The following PFKM variants were observed in gnomAD, a reference collection of about 807,000 sequenced individuals.
PFKM encodes the protein ATP-dependent 6-phosphofructokinase, muscle type.
PFKM carries 58 observed loss-of-function variants against 95.5 expected under a neutral mutation model. The ratio of observed to expected loss-of-function variants is 0.61; its 90% CI spans 0.49 to 0.76. The LOEUF (loss-of-function observed/expected upper bound fraction) is 0.76. PFKM is among the 30% of genes least tolerant of loss of function. PFKM has a pLI of 0.00. For missense variants in PFKM, 678 were observed against 1,005.4 expected, an observed-to-expected ratio of 0.67 and a Z score of 4.40; for synonymous variants, 336 against 357.2, an observed-to-expected ratio of 0.94 and a Z score of 0.67.
rs1948405823 is a variant in PFKM at position 48,122,695 on chromosome 12, A to G, written c.-8-72A>G. The G allele has an allele frequency of 1.9e-6, 3 of 1,607,104 alleles. No individual in the cohort carries two copies. The Admixed American group carries it at 5.1e-5, about 27-fold the overall frequency. On this transcript the variant is annotated intron_variant, in intron 1 of 22. Coordinates refer to ENST00000359794, the MANE Select transcript of PFKM (RefSeq NM_000289.6). Reference sequence around the variant, plus strand: ...TGACTGAGGTGGCTCTAGCCAGTCTAATTGCCGTTCCTTTAGCTAGTGGCA... The same window carrying G: ...TGACTGAGGTGGCTCTAGCCAGTCTGATTGCCGTTCCTTTAGCTAGTGGCA...
intron 4 of PFKM, among the ~76,000 whole-genome samples, chr12:48,132,590 C>T (rs1260041606): frequency 6.6e-6 from 1 of 152,198 alleles, no homozygotes; most frequent in Non-Finnish European, 1.5e-5. Context: ...TGTATGTATT[C>T]ACTTGTTCTC....
intron 14 of PFKM, 133 bp from the exon 15 acceptor site, chr12:48,141,178 G>A: frequency 1.2e-6 from 1 of 855,760 alleles, no homozygotes; most frequent in South Asian, 1.4e-5. Flanking sequence ...GTGGGGAAAA[G>A]CTAATACCTG....
At chr12:48,118,618 A>G (rs963802807), upstream of PFKM, 14 of 1,068,328 alleles carry the variant, frequency 1.3e-5, no homozygotes, top group African/African-American at 1.9e-4. Flanking sequence ...CTCTGGGAGC[A>G]TCTGACCCTT....
chr12:48,105,458 T>G (rs1010922886), upstream of PFKM: 14 of 518,910 alleles, frequency 2.7e-5, no homozygotes, highest in Non-Finnish European at 5.0e-5. Context: ...TTTCATAACC[T>G]GAGCAGGAGG....
At chr12:48,114,458 G>A (rs372820426), upstream of PFKM, among the ~76,000 whole-genome samples, 12 of 152,332 alleles carry the variant, frequency 7.9e-5, no homozygotes, top group African/African-American at 2.4e-4. Flanking sequence ...CGGACCGGGT[G>A]TGGGGAGGGG....
chr12:48,132,830 C>T (rs761711268), intron 4 of PFKM, 38 bp from the exon 5 acceptor site: 3 of 1,549,518 alleles, frequency 1.9e-6, no homozygotes, highest in Non-Finnish European at 2.6e-6. Flanking sequence ...GCATGTTGAG[C>T]CCTGTCTCTG....
chr12:48,141,924 G>C lies in PFKM; in HGVS notation c.1511G>C (p.Gly504Ala), dbSNP rs769115766. 6.2e-7 allele frequency: 1 copy of C among 1,614,022 alleles called. No individual in the cohort carries two copies. The highest frequency in any genetic ancestry group is 1.1e-5 in the South Asian group (1 of 91,082). The stretch of plus-strand genomic sequence containing the variant: ...CTCTCTTCTTCTTAGGCTTACACAG[G>C]GGGCCTGGAACTGATGGAGGGCAGG... ...VIIGGFEAYT[G>A]GLELMEGRKQ... Residue 504 changes from glycine (G) to alanine (A), a missense_variant, in exon 17 of 23, where the codon GGG becomes GCG. By Grantham distance (60) the Gly-to-Ala change is moderately conservative. Transcript: ENST00000359794.
intron 2 of PFKM, chr12:48,125,241 A>G (rs1004498989): frequency 4.9e-6 from 2 of 404,910 alleles, no homozygotes; most frequent in Non-Finnish European, 9.8e-6. Context: ...AAAGGACCTC[A>G]GTCAGTCATC....
In PFKM at chr12:48,133,463, C is replaced by T. The variant is rs1592731449; in HGVS notation, c.576C>T (p.Ile192=). The T allele has an allele frequency of 6.2e-7, 1 of 1,614,086 alleles. No homozygotes were observed. Among genetic ancestry groups the T allele is most frequent in the Non-Finnish European group, 8.5e-7 (1 of 1,179,956 alleles). The change falls in exon 6 of 23, where the codon ATC becomes ATT. Residue 192 remains isoleucine (I), a synonymous_variant. Transcript: ENST00000359794. ...LHRIMEIVDA[I]TTTAQSHQRT... is the part of the protein sequence containing the mutation. ...GGATCATGGAAATTGTAGATGCCAT[C>T]ACTACCACTGCCCAGAGGTAAGGGG... is the stretch of plus-strand genomic sequence containing the variant.
At position 48,145,508 on chromosome 12, in the gene PFKM, A is replaced by G; in HGVS notation, c.2199-56A>G. On this transcript the variant is annotated intron_variant, in intron 22 of 22. Transcript: ENST00000359794. The surrounding 1 kb of genome is among the most constrained non-coding windows in gnomAD (Gnocchi z 4.3). ...TAACTTCTTCCTATAAACCTTTGGT[A>G]GAAGTTGATTGGGGTGCTAAAAGAT... 6.2e-7 allele frequency: 1 copy of G among 1,603,892 alleles called. No homozygotes were observed. The highest frequency in any genetic ancestry group is 8.5e-7 in the Non-Finnish European group (1 of 1,171,008).
At chr12:48,129,243 T>TTTC (rs1565877213) in intron 2 of PFKM, among the ~76,000 whole-genome samples, 1 of 96,178 alleles carries the variant, frequency 1.0e-5, no homozygotes, top group African/African-American at 4.6e-5. Context: ...TTTTTTTTTT[T>TTTC]ACAGATGGAG....
At chr12:48,127,646 A>G (rs1020758118) in intron 2 of PFKM, among the ~76,000 whole-genome samples, 1 of 152,168 alleles carries the variant, frequency 6.6e-6, no homozygotes, top group Non-Finnish European at 1.5e-5. Context: ...CTAGGATGCC[A>G]GGTAGCCTCC....
chr12:48,105,861 G>A, upstream of PFKM: 1 of 605,234 alleles, frequency 1.7e-6, no homozygotes, highest in Non-Finnish European at 2.9e-6. Flanking sequence ...ACAGCAGGGG[G>A]GAGGGGAGGT....
intron 4 of PFKM, 183 bp downstream of exon 4, chr12:48,131,576 G>A (rs1767721846): frequency 1.5e-6 from 1 of 659,752 alleles, no homozygotes; most frequent in Admixed American, 2.1e-5. Flanking sequence ...TGGTTTCCTG[G>A]GGCAGGGAGA....
At chr12:48,105,943 G>C (rs1422028261) in exon 1 of PFKM, 13 of 690,656 alleles carry the variant, frequency 1.9e-5, no homozygotes, top group Non-Finnish European at 3.4e-5. Context: ...AGTCCAGCCC[G>C]GGCCGGCTGA....
chr12:48,116,918 T>G (rs1019954766), upstream of PFKM, among the ~76,000 whole-genome samples: 1 of 152,244 alleles, frequency 6.6e-6, no homozygotes, highest in Admixed American at 6.5e-5. Context: ...TTCTATGAAT[T>G]TGACAAATGC....
intron 1 of PFKM, among the ~76,000 whole-genome samples, chr12:48,120,794 T>C (rs189427252): frequency 9.1e-4 from 139 of 152,344 alleles, no homozygotes; most frequent in African/African-American, 3.0e-3. Flanking sequence ...GCCTACAGGC[T>C]GTTGTATGCT....
intron 3 of PFKM, among the ~76,000 whole-genome samples, chr12:48,110,628 A>G (rs1366851883): frequency 1.3e-5 from 2 of 152,188 alleles, no homozygotes; most frequent in Non-Finnish European, 2.9e-5. Context: ...TGCCAGCCCA[A>G]GAAATTCACA....
rs2136019328 is a variant in PFKM at position 48,142,787 on chromosome 12, T to C, written c.1659T>C (p.Cys553=). The C allele has an allele frequency of 6.2e-7, 1 of 1,614,104 alleles. No homozygotes were observed. Among genetic ancestry groups the C allele is most frequent in the East Asian group, 2.2e-5 (1 of 44,876 alleles). The change falls in exon 18 of 23, where the codon TGT becomes TGC. Residue 553 remains cysteine (C), a synonymous_variant. Transcript: ENST00000359794. The part of the protein sequence containing the change: ...DTALNTICTT[C]DRIKQSAAGT... ...ATAACCCATTGTCCTTGCAGACCTG[T>C]GACCGCATCAAGCAGTCAGCAGCTG...
Sources: gnomAD v4.1 joint callset for allele counts (sites outside exome capture counted in the v4.1 genomes callset) on GRCh38, gnomAD v4.1.1 for gene constraint, Gnocchi (gnomAD v3.1) non-coding constraint, MANE v1.5 for transcripts, NCBI Gene and HGNC (gene_info 2026-07-23, HGNC 2026-07-21) for gene names.